ERC2: variants seen among roughly 807,000 people sequenced by gnomAD.
The protein encoded by ERC2 is ERC protein 2.
A neutral mutation model predicts 114.8 loss-of-function variants in ERC2; 42 were observed. The ratio of observed to expected loss-of-function variants is 0.37; its 90% CI spans 0.29 to 0.47. The LOEUF is 0.47. Ranked by LOEUF, ERC2 falls within the 20% of genes least tolerant of loss-of-function variation. The pLI is 0.99. For synonymous variants in ERC2, 454 were observed against 425.5 expected (o/e 1.07, Z -0.82); for missense variants, 939 against 1,150.7 (o/e 0.82, Z 2.66).
chr3:55,733,004 A>G (rs914465488), intron 15 of ERC2, among the ~76,000 whole-genome samples: 4 of 152,146 alleles, frequency 2.6e-5, no homozygotes. Context: ...CCTTTGGATC[A>G]TGTATGCATC....
chr3:55,775,406 C>A (rs948576561), intron 14 of ERC2, among the ~76,000 whole-genome samples: 1 of 151,940 alleles, frequency 6.6e-6, no homozygotes, highest in South Asian at 2.1e-4. Context: ...GTTGTGCATG[C>A]CTGTGGTTCG....
chr3:56,433,988 C>G (rs75215243), intron 2 of ERC2: 185 of 208,262 alleles, frequency 8.9e-4, no homozygotes, highest in African/African-American at 3.9e-3. Flanking sequence ...TTTATTCTTA[C>G]AGAAATTAAC....
chr3:56,416,999 G>C (rs1293206062), intron 2 of ERC2, among the ~76,000 whole-genome samples: 2 of 152,148 alleles, frequency 1.3e-5, no homozygotes, highest in African/African-American at 4.8e-5. Context: ...CATTTCTTTG[G>C]TACAAACTAT....
At chr3:55,862,037 T>C (rs1047158198) in intron 14 of ERC2, among the ~76,000 whole-genome samples, 5 of 152,236 alleles carry the variant, frequency 3.3e-5, no homozygotes, top group African/African-American at 9.6e-5. Context: ...TTCTCTGCTA[T>C]GGCCTTTTAA....
At chr3:56,428,528 G>A (rs1576916466) in intron 2 of ERC2, among the ~76,000 whole-genome samples, 1 of 100,880 alleles carries the variant, frequency 9.9e-6, no homozygotes, top group Non-Finnish European at 1.9e-5. Context: ...CTCAAAAAAA[G>A]AAAGAAGGCA....
At chr3:55,606,006 T>C (rs2058626126) in intron 17 of ERC2, among the ~76,000 whole-genome samples, 1 of 151,650 alleles carries the variant, frequency 6.6e-6, no homozygotes, top group African/African-American at 2.4e-5. Flanking sequence ...CCCAGGAGAG[T>C]TGAGTACAGA....
At chr3:55,941,927 C>T (rs1225157090) in intron 13 of ERC2, among the ~76,000 whole-genome samples, 1 of 152,140 alleles carries the variant, frequency 6.6e-6, no homozygotes, top group African/African-American at 2.4e-5. Context: ...ATAGAATATC[C>T]TGTTATAAAA....
At chr3:55,723,393 C>G (rs1274990982) in intron 15 of ERC2, among the ~76,000 whole-genome samples, 1 of 152,110 alleles carries the variant, frequency 6.6e-6, no homozygotes, top group South Asian at 2.1e-4. Flanking sequence ...TATCTCTATG[C>G]TTTCAACTAT....
chr3:56,323,378 G>A (rs577631431), intron 2 of ERC2, among the ~76,000 whole-genome samples: 28 of 152,174 alleles, frequency 1.8e-4, no homozygotes, highest in African/African-American at 5.3e-4. Context: ...TCAAGCTACC[G>A]TCTTTGACAA....
intron 1 of ERC2, among the ~76,000 whole-genome samples, chr3:56,467,329 G>A (rs146412501): frequency 3.3e-5 from 5 of 152,172 alleles, no homozygotes; most frequent in African/African-American, 7.2e-5. Context: ...TTCACCGCTC[G>A]GGGAGTAAAT....
At chr3:56,239,951 T>C (rs928144985) in intron 3 of ERC2, among the ~76,000 whole-genome samples, 16 of 152,232 alleles carry the variant, frequency 1.1e-4, no homozygotes, top group African/African-American at 3.6e-4. Context: ...AGTTTCTTCA[T>C]AGTCCATTTT....
intron 1 of ERC2, among the ~76,000 whole-genome samples, chr3:56,460,451 G>A (rs937734641): frequency 1.3e-5 from 2 of 152,150 alleles, no homozygotes; most frequent in African/African-American, 2.4e-5. Flanking sequence ...CAAAGGCAAA[G>A]CTCCTGCCTT....
chr3:56,384,561 G>C (rs2059866576), intron 2 of ERC2, among the ~76,000 whole-genome samples: 1 of 151,850 alleles, frequency 6.6e-6, no homozygotes, highest in Non-Finnish European at 1.5e-5. Context: ...GGTTTTCTTT[G>C]ATGTTGTCAA....
intron 6 of ERC2, among the ~76,000 whole-genome samples, chr3:56,121,790 T>C (rs376015519): frequency 6.6e-6 from 1 of 152,208 alleles, no homozygotes; most frequent in African/African-American, 2.4e-5. Context: ...AATATAAACA[T>C]GGGCGTTTTC....
At chr3:55,512,171 C>T (rs1018770447) in intron 17 of ERC2, among the ~76,000 whole-genome samples, 4 of 152,254 alleles carry the variant, frequency 2.6e-5, no homozygotes, top group African/African-American at 7.2e-5. Flanking sequence ...CGAGTCACGC[C>T]GACTAACAAG....
chr3:56,304,302 T>G (rs2056082867), intron 2 of ERC2, among the ~76,000 whole-genome samples: 1 of 152,168 alleles, frequency 6.6e-6, no homozygotes, highest in African/African-American at 2.4e-5. Flanking sequence ...AAAGGTGATA[T>G]GAAAATACTG....
chr3:55,520,956 G>A (rs1319372432), intron 17 of ERC2, among the ~76,000 whole-genome samples: 2 of 152,166 alleles, frequency 1.3e-5, no homozygotes, highest in African/African-American at 4.8e-5. Flanking sequence ...GAGCCAGAGA[G>A]AGGCATTCTG....
Position 55,575,812 on chromosome 3 carries a change from A to C in ERC2, c.*40-64536T>G, listed in dbSNP as rs188055927. Among the ~76,000 whole-genome samples the C allele has an allele frequency of 3.2e-3, 487 of 152,294 alleles. 4 individuals carry two copies. The highest frequency in any genetic ancestry group is 4.9e-3 in the Admixed American group (75 of 15,304). On this transcript the variant is annotated intron_variant, in intron 17 of 17. Coordinates refer to ENST00000288221, the MANE Select transcript of ERC2 (RefSeq NM_015576.3). Reference sequence around the variant, plus strand: ...AAAACCAGAGTAGCAAGAGCAGTCAAACCCTGCCTGGGACTTTGTGCCAAG... The same window carrying C: ...AAAACCAGAGTAGCAAGAGCAGTCACACCCTGCCTGGGACTTTGTGCCAAG...
intron 7 of ERC2, among the ~76,000 whole-genome samples, chr3:56,065,261 T>C (rs2076417897): frequency 6.6e-6 from 1 of 152,166 alleles, no homozygotes; most frequent in South Asian, 2.1e-4. Flanking sequence ...TCTCGCTCTG[T>C]TGCCCAGGCT....
Sources: gnomAD v4.1 joint callset for allele counts (sites outside exome capture counted in the v4.1 genomes callset) on GRCh38, gnomAD v4.1.1 for gene constraint, MANE v1.5 for transcripts, NCBI Gene and HGNC (gene_info 2026-07-23, HGNC 2026-07-21) for gene names.